Variants in SRD5A3 observed in about 807,000 individuals in gnomAD.
SRD5A3 encodes the protein steroid 5 alpha-reductase 3.
A neutral mutation model predicts 34.3 loss-of-function variants in SRD5A3; 24 were observed. The observed-to-expected ratio is 0.70, with a 90% CI of 0.51 to 0.99. The LOEUF (loss-of-function observed/expected upper bound fraction) is 0.99, where lower values mean the gene tolerates loss of function less well. Ranked by LOEUF, SRD5A3 falls within the 50% of genes least tolerant of loss-of-function variation. The pLI, the probability that SRD5A3 is intolerant of heterozygous loss-of-function variation, is 0.00. For missense variants in SRD5A3, 350 were observed against 388.2 expected, an observed-to-expected ratio of 0.90 and a Z score of 0.83; for synonymous variants, 161 against 167.3, an observed-to-expected ratio of 0.96 and a Z score of 0.29.
At chr4:55,348,678 T>C (rs944896204) in intron 1 of SRD5A3, among the ~76,000 whole-genome samples, 1 of 152,210 alleles carries the variant, frequency 6.6e-6, no homozygotes, top group African/African-American at 2.4e-5. Flanking sequence ...CTTTCCTCAT[T>C]TAATCCTCAC....
At position 55,372,116 on chromosome 4, in the gene SRD5A3, A is replaced by G. The variant is rs1720150969; in HGVS notation, c.*2025A>G. 6.6e-6 allele frequency: 1 copy of G among 152,186 alleles called. No homozygotes were observed. The highest frequency in any genetic ancestry group is 1.5e-5 in the Non-Finnish European group (1 of 68,034). 9.4% of individuals were successfully genotyped at this position (152,186 alleles called of 1,614,324 possible). A position where few individuals can be genotyped will look rare whatever the true frequency, so the allele number is the denominator to read the frequency against. On this transcript the variant is annotated 3_prime_UTR_variant, in exon 5 of 5. Transcript: ENST00000264228. ...AGAATTTGCCATTCTCAGGAACAAA[A>G]CTTTTTGTACATTGGAAATGGAAAA...
At chr4:55,368,303 T>C (rs1719980140) in intron 4 of SRD5A3, among the ~76,000 whole-genome samples, 1 of 150,936 alleles carries the variant, frequency 6.6e-6, no homozygotes. Flanking sequence ...CACTTGAACC[T>C]GGGAGGCGGA....
chr4:55,364,319 A>G (rs761935893), intron 3 of SRD5A3, 48 bp downstream of exon 3: 3 of 1,596,594 alleles, frequency 1.9e-6, no homozygotes, highest in Non-Finnish European at 2.6e-6. Context: ...AGGGTGTATG[A>G]TGCGCTCTCG....
intron 1 of SRD5A3, among the ~76,000 whole-genome samples, chr4:55,351,115 C>A (rs1406138548): frequency 6.6e-6 from 1 of 150,730 alleles, no homozygotes; most frequent in Non-Finnish European, 1.5e-5. Context: ...TCTTGTTGCC[C>A]AGGCCAGAGT....
Position 55,370,970 on chromosome 4 carries a change from C to T in SRD5A3, c.*879C>T, listed in dbSNP as rs576732. 0.28 allele frequency: 42,649 copies of T among 152,060 alleles called. 6,239 individuals are homozygous for T. The highest frequency in any genetic ancestry group is 0.4 in the South Asian group (1,927 of 4,822). 9.4% of individuals were successfully genotyped at this position (152,060 alleles called of 1,614,324 possible). A position where few individuals can be genotyped will look rare whatever the true frequency, so the allele number is the denominator to read the frequency against. On this transcript the variant is annotated 3_prime_UTR_variant, in exon 5 of 5. Transcript: ENST00000264228. ...GGAGTTAGTTTATACTTTCACATAT[C>T]ACCACAAAGATCTCCAGTTAAATAA...
In SRD5A3 at chr4:55,372,474, T is replaced by C. The variant is rs570087639; in HGVS notation, c.*2383T>C. ...GCAAAGATAAGAGAGGAGATAGTGA[T>C]GTCCTGAAAGGGGTTCAGAACAACG... On this transcript the variant is annotated 3_prime_UTR_variant, in exon 5 of 5. Transcript: ENST00000264228. The C allele has an allele frequency of 6.6e-6, 1 of 152,196 alleles. No homozygotes were observed. Among genetic ancestry groups the C allele is most frequent in the Non-Finnish European group, 1.5e-5 (1 of 68,032 alleles). 9.4% of individuals were successfully genotyped at this position (152,196 alleles called of 1,614,324 possible).
Position 55,354,330 on chromosome 4 carries a change from T to A in SRD5A3, c.222-5016T>A, listed in dbSNP as rs185940287. ...CCAGGCTGGTCTTGAACTCCTGACC[T>A]CAGGTGATCTGCCCTCAGCCTTTCA... On this transcript the variant is annotated intron_variant, in intron 1 of 4. Coordinates refer to ENST00000264228, the MANE Select transcript of SRD5A3 (RefSeq NM_024592.5). 1.9e-3 allele frequency among the ~76,000 whole-genome samples: 293 copies of A among 152,254 alleles called. 1 individual carries two copies. Among genetic ancestry groups the A allele is most frequent in the African/African-American group, 6.9e-3 (288 of 41,556 alleles).
At chr4:55,366,161 C>T (rs185731843) in intron 3 of SRD5A3, among the ~76,000 whole-genome samples, 36 of 152,278 alleles carry the variant, frequency 2.4e-4, no homozygotes, top group African/African-American at 7.9e-4. Flanking sequence ...GAGCCTTCCA[C>T]CTGCCTCCCT....
intron 1 of SRD5A3, among the ~76,000 whole-genome samples, chr4:55,358,747 A>G (rs1417300380): frequency 6.6e-6 from 1 of 152,162 alleles, no homozygotes; most frequent in African/African-American, 2.4e-5. Context: ...TTGTCTGAGA[A>G]TTATAACCAT....
At chr4:55,361,433 G>C (rs1416231867) in intron 2 of SRD5A3, among the ~76,000 whole-genome samples, 1 of 141,708 alleles carries the variant, frequency 7.1e-6, no homozygotes, top group Admixed American at 7.6e-5. Flanking sequence ...AGTGAGCCAA[G>C]ATTGTAACGT....
rs1578213357 is a variant in SRD5A3 at position 55,369,244 on chromosome 4, T to C, written c.698-588T>C. Among the ~76,000 whole-genome samples the C allele has an allele frequency of 2.0e-5, 3 of 152,204 alleles. No homozygotes were observed. The South Asian group carries it at 6.2e-4, about 32-fold the overall frequency. On this transcript the variant is annotated intron_variant, in intron 4 of 4. Coordinates refer to ENST00000264228, the MANE Select transcript of SRD5A3 (RefSeq NM_024592.5). ...TAAGTGGGAGAGCCAGGATTTAAAC[T>C]TGTGCAGTCTGACTCTGGAGTAGTC...
At chr4:55,356,308 CT>C (rs1249974689) in intron 1 of SRD5A3, among the ~76,000 whole-genome samples, 1 of 152,092 alleles carries the variant, frequency 6.6e-6, no homozygotes, top group Admixed American at 6.6e-5. Context: ...TGCACCCGGC[CT>C]CTTTTGCTGC....
rs1210193808 is a variant in SRD5A3 at position 55,370,797 on chromosome 4, C to T, written c.*706C>T. The T allele has an allele frequency of 1.3e-5, 2 of 152,446 alleles. No homozygotes were observed. The highest frequency in any genetic ancestry group is 2.4e-5 in the African/African-American group (1 of 41,414). The allele number at this position is 152,446 out of a possible 1,614,324, so 9.4% of individuals were successfully genotyped here. ...TGGGAGTGGGCTGAGATGGGAGAAT[C>T]GCTTGAGCCCAGGAGGTCAAGGGTA... On this transcript the variant is annotated 3_prime_UTR_variant, in exon 5 of 5. Coordinates refer to ENST00000264228, the MANE Select transcript of SRD5A3 (RefSeq NM_024592.5).
At chr4:55,368,369 A>ACT (rs200640461) in intron 4 of SRD5A3, among the ~76,000 whole-genome samples, 45,723 of 148,050 alleles carry the variant, frequency 0.31, 7,472 homozygotes, top group South Asian at 0.4. Flanking sequence ...ACAGAGCTAG[A>ACT]CTGTCTCAAA....
intron 1 of SRD5A3, among the ~76,000 whole-genome samples, chr4:55,353,288 G>A (rs903562452): frequency 3.3e-5 from 5 of 152,080 alleles, no homozygotes; most frequent in Admixed American, 2.0e-4. Context: ...ACAAATCAGC[G>A]CTCTGTGTCT....
At position 55,346,639 on chromosome 4, in the gene SRD5A3, G is replaced by A. The variant is rs957108585; in HGVS notation, c.221+82G>A. The A allele has an allele frequency of 6.8e-6, 9 of 1,319,602 alleles. No homozygotes were observed. In the African/African-American group the frequency reaches 1.4e-4, roughly 20 times the overall value. The allele number at this position is 1,319,602 out of a possible 1,614,324, so 81.7% of individuals were successfully genotyped here. A position where few individuals can be genotyped will look rare whatever the true frequency, so the allele number is the denominator to read the frequency against. The stretch of plus-strand genomic sequence containing the variant: ...CCCGGCTCGCGGGCAGCCAGCAGGG[G>A]GCAGCAGAGGCGGGACCCGGCCTGG... On this transcript the variant is annotated intron_variant, in intron 1 of 4. Transcript: ENST00000264228.
intron 1 of SRD5A3, among the ~76,000 whole-genome samples, chr4:55,358,654 A>T (rs1006337549): frequency 6.6e-6 from 1 of 151,936 alleles, no homozygotes; most frequent in Admixed American, 6.6e-5. Flanking sequence ...TTAAATTAAC[A>T]TCGCTAATTT....
chr4:55,358,363 T>C (rs1441643184), intron 1 of SRD5A3, among the ~76,000 whole-genome samples: 1 of 151,832 alleles, frequency 6.6e-6, no homozygotes, highest in African/African-American at 2.4e-5. Flanking sequence ...AGATCACATC[T>C]CTATAAAAAG....
intron 2 of SRD5A3, among the ~76,000 whole-genome samples, chr4:55,362,899 G>A (rs1719738178): frequency 6.9e-6 from 1 of 144,656 alleles, no homozygotes; most frequent in Non-Finnish European, 1.5e-5. Context: ...CAGGCTGATT[G>A]CAGTGGCCCA....
Sources: allele counts gnomAD v4.1 joint callset (sites outside exome capture counted in the v4.1 genomes callset), GRCh38; gene constraint gnomAD v4.1.1; transcripts MANE v1.5; gene names NCBI Gene and HGNC (gene_info 2026-07-23, HGNC 2026-07-21).